ZFHX3: variants seen among roughly 807,000 people sequenced by gnomAD.
ZFHX3 encodes zinc finger homeobox protein 3.
In ZFHX3, 42 loss-of-function variants were observed where a neutral mutation model predicts 279.1. That is an observed-to-expected ratio of 0.15 (90% CI 0.12 to 0.19). The LOEUF (loss-of-function observed/expected upper bound fraction) is 0.19, where lower values mean the gene tolerates loss of function less well. Ranked by LOEUF, ZFHX3 falls within the 10% of genes least tolerant of loss-of-function variation. ZFHX3 has a pLI of 1.00. For missense variants in ZFHX3, 4,981 were observed against 4,754.0 expected, an observed-to-expected ratio of 1.05 and a Z score of -1.40; for synonymous variants, 2,293 against 1,957.8, an observed-to-expected ratio of 1.17 and a Z score of -4.52.
chr16:73,740,958 C>A (rs1369508866), intron 1 of ZFHX3, among the ~76,000 whole-genome samples: 2 of 151,854 alleles, frequency 1.3e-5, no homozygotes, highest in Non-Finnish European at 2.9e-5. Flanking sequence ...AATAGACTTT[C>A]CACATTTTTT....
At chr16:73,312,510 C>G (rs988725255) in intron 4 of ZFHX3, among the ~76,000 whole-genome samples, 2 of 152,208 alleles carry the variant, frequency 1.3e-5, no homozygotes, top group Non-Finnish European at 2.9e-5. Flanking sequence ...GCCGAGAGGA[C>G]AGTGGGCTGG....
At chr16:73,708,767 A>G (rs758292777) in intron 1 of ZFHX3, among the ~76,000 whole-genome samples, 2 of 152,212 alleles carry the variant, frequency 1.3e-5, no homozygotes, top group African/African-American at 2.4e-5. Context: ...AGTGAGATCT[A>G]GAAGCTTATT....
At chr16:72,972,052 C>T (rs191288261) in intron 1 of ZFHX3, among the ~76,000 whole-genome samples, 8 of 151,858 alleles carry the variant, frequency 5.3e-5, no homozygotes, top group Admixed American at 2.0e-4. Flanking sequence ...CCATCACGGC[C>T]GGCTAATTTT....
chr16:72,946,002 C>T (rs1287940681), intron 3 of ZFHX3, among the ~76,000 whole-genome samples: 2 of 152,154 alleles, frequency 1.3e-5, no homozygotes, highest in African/African-American at 4.8e-5. Flanking sequence ...CTGATTTGCC[C>T]GTCTACCATA....
At chr16:73,117,280 G>A (rs1407484535) in intron 7 of ZFHX3, among the ~76,000 whole-genome samples, 2 of 151,822 alleles carry the variant, frequency 1.3e-5, no homozygotes, top group Non-Finnish European at 2.9e-5. Flanking sequence ...CCCATGTAGT[G>A]GCCATAAATA....
chr16:72,788,702 G>A lies in ZFHX3; in HGVS notation c.9574C>T (p.Pro3192Ser). ...TGCTGCTGCTGGGGGGGTTGCTGAG[G>A]GCCCATCGCCATCGTGGCTTGTGCT... ...TPAQATMAMG[P>S]QQPPQQQQQQ... Residue 3192 changes from proline (P) to serine (S), a missense_variant, in exon 10 of 10, where the codon CCT (proline) becomes TCT (serine). By Grantham distance (74) the Pro-to-Ser change is moderately conservative. Coordinates refer to ENST00000268489, the MANE Select transcript of ZFHX3 (RefSeq NM_006885.4). 1 of 1,612,178 alleles carries A rather than the reference G, an allele frequency of 6.2e-7. No homozygotes were observed. Among genetic ancestry groups the A allele is most frequent in the South Asian group, 1.1e-5 (1 of 90,870 alleles).
chr16:73,190,071 G>T (rs760867984), intron 5 of ZFHX3, among the ~76,000 whole-genome samples: 5 of 152,136 alleles, frequency 3.3e-5, no homozygotes, highest in African/African-American at 1.2e-4. Flanking sequence ...AGCCTCCCTA[G>T]GAAGAAGTCT....
At chr16:72,828,264 A>C (rs1012303133) in intron 5 of ZFHX3, among the ~76,000 whole-genome samples, 6 of 152,244 alleles carry the variant, frequency 3.9e-5, no homozygotes, top group Non-Finnish European at 7.3e-5. Flanking sequence ...AATTAGGTTG[A>C]CCAAATAAAA....
At chr16:73,016,246 A>G (rs575225648) in intron 1 of ZFHX3, among the ~76,000 whole-genome samples, 1 of 152,320 alleles carries the variant, frequency 6.6e-6, no homozygotes, top group Admixed American at 6.5e-5. Context: ...AATTAACCTG[A>G]AGTATTATGT....
intron 3 of ZFHX3, among the ~76,000 whole-genome samples, chr16:73,431,341 A>G (rs1480352930): frequency 6.6e-6 from 1 of 152,020 alleles, no homozygotes; most frequent in Non-Finnish European, 1.5e-5. Context: ...GGAGTTCAAG[A>G]CCAGCACGAT....
intron 5 of ZFHX3, among the ~76,000 whole-genome samples, chr16:73,171,039 A>C (rs1403354815): frequency 6.6e-6 from 1 of 152,150 alleles, no homozygotes; most frequent in Non-Finnish European, 1.5e-5. Flanking sequence ...ATTAAAATTT[A>C]ATCTGCTAAA....
chr16:72,873,548 T>C (rs2038220309), intron 4 of ZFHX3, among the ~76,000 whole-genome samples: 2 of 152,208 alleles, frequency 1.3e-5, no homozygotes, highest in African/African-American at 4.8e-5. Flanking sequence ...GATTTTCCCT[T>C]TTATTACTCA....
At chr16:73,313,631 A>G (rs1442770235) in intron 4 of ZFHX3, among the ~76,000 whole-genome samples, 17 of 152,202 alleles carry the variant, frequency 1.1e-4, no homozygotes, top group Non-Finnish European at 1.5e-5. Context: ...CCATAGCGGT[A>G]TTAGTAACAA....
chr16:72,918,020 A>G (rs2039484362), intron 3 of ZFHX3, among the ~76,000 whole-genome samples: 1 of 152,218 alleles, frequency 6.6e-6, no homozygotes, highest in Non-Finnish European at 1.5e-5. Context: ...TTGAGGGGAC[A>G]AGGAGGCCTG....
intron 4 of ZFHX3, among the ~76,000 whole-genome samples, chr16:72,837,067 G>A (rs926249878): frequency 3.9e-5 from 6 of 152,190 alleles, no homozygotes; most frequent in African/African-American, 1.4e-4. Context: ...CACTCCTGCG[G>A]GCCTCTAGAA....
At chr16:72,825,050 C>T (rs2036899326) in intron 5 of ZFHX3, among the ~76,000 whole-genome samples, 1 of 152,222 alleles carries the variant, frequency 6.6e-6, no homozygotes, top group African/African-American at 2.4e-5. Flanking sequence ...TACCACTCAC[C>T]CTCTTGGAAC....
At chr16:73,242,873 A>G (rs2013166665) in intron 5 of ZFHX3, among the ~76,000 whole-genome samples, 1 of 152,218 alleles carries the variant, frequency 6.6e-6, no homozygotes, top group Non-Finnish European at 1.5e-5. Context: ...AAGATAGCAC[A>G]GTCCTGGGGA....
At chr16:73,222,135 A>G (rs2012441697) in intron 5 of ZFHX3, among the ~76,000 whole-genome samples, 1 of 152,036 alleles carries the variant, frequency 6.6e-6, no homozygotes, top group African/African-American at 2.4e-5. Context: ...AGTCACTTCT[A>G]GTTATAATTA....
At chr16:72,845,469 G>C (rs1200504703) in intron 4 of ZFHX3, among the ~76,000 whole-genome samples, 2 of 152,158 alleles carry the variant, frequency 1.3e-5, no homozygotes, top group Non-Finnish European at 2.9e-5. Context: ...TGGGCTGGCA[G>C]GGCTGCAGCC....
Sources: gnomAD v4.1 joint callset for allele counts (sites outside exome capture counted in the v4.1 genomes callset) on GRCh38, gnomAD v4.1.1 for gene constraint, MANE v1.5 for transcripts, NCBI Gene and HGNC (gene_info 2026-07-23, HGNC 2026-07-21) for gene names.